CD22: variants seen among roughly 807,000 people sequenced by gnomAD.
CD22 encodes B-cell receptor CD22.
CD22 carries 51 observed loss-of-function variants against 94.7 expected under a neutral mutation model. That is an observed-to-expected ratio of 0.54 (90% CI 0.43 to 0.68). The LOEUF (loss-of-function observed/expected upper bound fraction) is 0.68. Ranked by LOEUF, CD22 falls within the 30% of genes least tolerant of loss-of-function variation. CD22 has a pLI of 0.00. For missense variants in CD22, 931 were observed against 1,060.4 expected (o/e 0.88, Z 1.69); for synonymous variants, 424 against 422.5 (o/e 1.00, Z -0.04).
In CD22 at chr19:35,346,674, G is replaced by T; in HGVS notation, c.2521G>T (p.Asp841Tyr). 1.2e-6 allele frequency: 2 copies of T among 1,610,404 alleles called. No homozygotes were observed. The highest frequency in any genetic ancestry group is 1.7e-6 in the Non-Finnish European group (2 of 1,178,304). The change falls in exon 14 of 14, where the codon GAC becomes TAC. Residue 841 changes from aspartate to tyrosine, a missense_variant. Coordinates refer to ENST00000085219, the MANE Select transcript of CD22 (RefSeq NM_001771.4). ...GERPQAQENVDYVILKH is the reference protein window; with the variant it reads ...GERPQAQENVYYVILKH ...GCGGCCTCAGGCACAAGAAAATGTG[G>T]ACTATGTGATCCTCAAACATTGACA...
intron 1 of CD22, among the ~76,000 whole-genome samples, chr19:35,331,343 A>AC (rs1252276035): frequency 6.6e-6 from 1 of 152,066 alleles, no homozygotes; most frequent in Non-Finnish European, 1.5e-5. Flanking sequence ...GCTCCACGTT[A>AC]CCCGGGGCCT....
chr19:35,344,201 ATCAATCAG>A (rs1354110061), intron 9 of CD22, among the ~76,000 whole-genome samples: 1 of 152,236 alleles, frequency 6.6e-6, no homozygotes, highest in East Asian at 1.9e-4. Context: ...GTCTCAATCA[ATCAATCAG>A]TCAATCTAGG....
Position 35,346,240 on chromosome 19 carries a change from G to A in CD22, c.2412+5G>A. The A allele has an allele frequency of 6.2e-7, 1 of 1,612,742 alleles. No homozygotes were observed. Among genetic ancestry groups the A allele is most frequent in the African/African-American group, 1.3e-5 (1 of 75,028 alleles). On this transcript the variant is annotated splice_donor_5th_base_variant and intron_variant, in intron 13 of 13. Coordinates refer to ENST00000085219, the MANE Select transcript of CD22 (RefSeq NM_001771.4). ...GCATTGCACAAGCGCCAAGTGGTAA[G>A]GAGGGTCTCCCCAGGTCTCCCCAGA... is the stretch of plus-strand genomic sequence containing the variant.
chr19:35,338,169 T>G lies in CD22; in HGVS notation c.987T>G (p.Tyr329Ter). ...RSEEVFLQVQ[Y>*]APEPSTVQIL... ...ACTCGCCTCTGCCCCCTCTTCCAGA[T>G]GCCCCGGAACCTTCCACGGTTCAGA... The change falls in exon 6 of 14, where the codon TAT (tyrosine) becomes TAG (stop). Residue 329 changes from tyrosine (Y) to a stop codon, truncating the protein, a stop_gained and splice_region_variant. Coordinates refer to ENST00000085219, the MANE Select transcript of CD22 (RefSeq NM_001771.4). LOFTEE classifies it high-confidence loss of function. 6.2e-7 allele frequency: 1 copy of G among 1,607,270 alleles called. No individual in the cohort carries two copies. Among genetic ancestry groups the G allele is most frequent in the Non-Finnish European group, 8.5e-7 (1 of 1,175,528 alleles).
Position 35,332,936 on chromosome 19 carries a change from G to C in CD22, c.412+12G>C. The C allele has an allele frequency of 1.2e-6, 2 of 1,609,594 alleles. No homozygotes were observed. The highest frequency in any genetic ancestry group is 1.7e-6 in the Non-Finnish European group (2 of 1,176,544). On this transcript the variant is annotated intron_variant, in intron 3 of 13. Transcript: ENST00000085219. ...CCTCAATGTCTCTGGTAAGGCCTTCGGGGAGCGGGTCCTCTGCTCTGGGCA... is the reference window on the plus strand; with the variant it reads ...CCTCAATGTCTCTGGTAAGGCCTTCCGGGAGCGGGTCCTCTGCTCTGGGCA...
intron 11 of CD22, 136 bp from the exon 12 acceptor site, chr19:35,345,466 G>T: frequency 6.4e-6 from 4 of 624,124 alleles, no homozygotes; most frequent in East Asian, 2.7e-5. Flanking sequence ...GAGGCAGACT[G>T]TGAAGCTGAG....
At chr19:35,334,788 G>A (rs1183815983) in intron 3 of CD22, among the ~76,000 whole-genome samples, 1 of 152,178 alleles carries the variant, frequency 6.6e-6, no homozygotes, top group African/African-American at 2.4e-5. Context: ...CTTAGAGGTG[G>A]TGGGAATAGG....
intron 11 of CD22, 55 bp from the exon 12 acceptor site, chr19:35,345,546 AG>A: frequency 9.2e-7 from 1 of 1,091,758 alleles, no homozygotes; most frequent in East Asian, 2.4e-5. Context: ...AGGCCAGGGA[AG>A]GGGACGAGGG....
At chr19:35,335,904 C>T in intron 3 of CD22, 132 bp from the exon 4 acceptor site, 1 of 715,450 alleles carries the variant, frequency 1.4e-6, no homozygotes. Flanking sequence ...AAAAACAAAG[C>T]AGGACTGGAG....
chr19:35,345,812 T>C, intron 12 of CD22, 92 bp downstream of exon 12: 1 of 886,162 alleles, frequency 1.1e-6, no homozygotes, highest in Non-Finnish European at 1.9e-6. Context: ...GCCAGGCCCA[T>C]GCCAGGCACC....
chr19:35,345,087 G>A lies in CD22; in HGVS notation c.2169G>A (p.Glu723=), dbSNP rs761686238. Residue 723 remains glutamate, a synonymous_variant, in exon 11 of 14, where the codon GAG becomes GAA. Transcript: ENST00000085219. ...KRTQSQQGLQ[E]NSSGQSFFVR... is the part of the protein sequence containing the mutation. The stretch of plus-strand genomic sequence containing the variant: ...CACAGAGCCAGCAGGGGCTTCAGGA[G>A]AATTCCAGCGGCCAGAGCTTCTTTG... 1 of 1,614,088 alleles carries A rather than the reference G, an allele frequency of 6.2e-7. No homozygotes were observed. Among genetic ancestry groups the A allele is most frequent in the South Asian group, 1.1e-5 (1 of 91,074 alleles).
chr19:35,342,027 TTCCTTCCTTCCTTCC>T, intron 9 of CD22, 62 bp downstream of exon 9: 2 of 1,038,054 alleles, frequency 1.9e-6, no homozygotes, highest in Non-Finnish European at 2.7e-6. Flanking sequence ...CCTTCCTTCC[TTCCTTCCTTCCTTCC>T]TTCCTTCCTT....
chr19:35,336,478 G>T, intron 4 of CD22, 137 bp downstream of exon 4: 2 of 716,684 alleles, frequency 2.8e-6, no homozygotes, highest in East Asian at 5.4e-5. Flanking sequence ...ACGCCGCCTT[G>T]TCAGCCCTGG....
chr19:35,332,755 G>T lies in CD22; in HGVS notation c.243G>T (p.Lys81Asn). Reference sequence around the variant, plus strand: ...GGACAAGACTCTATGAAAGCACAAAGGATGGGAAGGTTCCTTCTGAGCAGA... The same window carrying T: ...GGACAAGACTCTATGAAAGCACAAATGATGGGAAGGTTCCTTCTGAGCAGA... ...FDGTRLYEST[K>N]DGKVPSEQKR... Residue 81 changes from lysine (K) to asparagine (N), a missense_variant, in exon 3 of 14, where the codon AAG becomes AAT. Physicochemically the swap from Lys to Asn is moderately conservative, Grantham distance 94. Coordinates refer to ENST00000085219, the MANE Select transcript of CD22 (RefSeq NM_001771.4). The T allele has an allele frequency of 6.2e-7, 1 of 1,614,216 alleles. No homozygotes were observed. The highest frequency in any genetic ancestry group is 8.5e-7 in the Non-Finnish European group (1 of 1,180,044).
chr19:35,338,850 C>T (rs2066764416), intron 6 of CD22, among the ~76,000 whole-genome samples: 1 of 151,782 alleles, frequency 6.6e-6, no homozygotes, highest in Non-Finnish European at 1.5e-5. Context: ...AGGATGGTCT[C>T]GATCTCCTGA....
chr19:35,332,976 G>A (rs1163910342), intron 3 of CD22, 52 bp downstream of exon 3: 12 of 1,560,498 alleles, frequency 7.7e-6, no homozygotes, highest in Admixed American at 1.8e-5. Flanking sequence ...TGAGTGGGAG[G>A]CAGGAAATAC....
At chr19:35,346,069 G>C in intron 12 of CD22, 82 bp from the exon 13 acceptor site, 2 of 1,078,374 alleles carry the variant, frequency 1.9e-6, no homozygotes, top group Admixed American at 1.7e-5. Flanking sequence ...TTGGGGTGCT[G>C]TTGGGGGCTC....
intron 4 of CD22, among the ~76,000 whole-genome samples, chr19:35,336,981 T>C (rs1023808407): frequency 3.3e-5 from 5 of 152,124 alleles, no homozygotes; most frequent in African/African-American, 1.2e-4. Flanking sequence ...GGCTCACGCC[T>C]GTAATCCTAG....
In CD22 at chr19:35,344,950, C is replaced by T. The variant is rs371096829; in HGVS notation, c.2132+25C>T. ...GGTGAGCTCCTGCCATCCCCCACCACCTCCTCTATCCCTTGGCAGAGGCCC... is the reference window on the plus strand; with the variant it reads ...GGTGAGCTCCTGCCATCCCCCACCATCTCCTCTATCCCTTGGCAGAGGCCC... On this transcript the variant is annotated intron_variant, in intron 10 of 13. Transcript: ENST00000085219. 3.1e-6 allele frequency: 5 copies of T among 1,604,682 alleles called. No individual in the cohort carries two copies. The African/African-American group carries it at 5.4e-5, about 17-fold the overall frequency.
Sources: gnomAD v4.1 joint callset for allele counts (sites outside exome capture counted in the v4.1 genomes callset) on GRCh38, gnomAD v4.1.1 for gene constraint, MANE v1.5 for transcripts, NCBI Gene and HGNC (gene_info 2026-07-23, HGNC 2026-07-21) for gene names.